Variants in ADGRL2 observed in about 807,000 individuals in gnomAD.
The protein encoded by ADGRL2 is adhesion G protein-coupled receptor L2.
ADGRL2 carries 44 observed loss-of-function variants against 157.4 expected under a neutral mutation model. The ratio of observed to expected loss-of-function variants is 0.28; its 90% confidence interval spans 0.22 to 0.36. ADGRL2 has a LOEUF of 0.36. Among genes scored for constraint, ADGRL2 ranks in the 10% least tolerant of loss-of-function variants. The pLI, the probability that ADGRL2 is intolerant of heterozygous loss-of-function variation, is 1.00. For synonymous variants in ADGRL2, 585 were observed against 624.7 expected, an observed-to-expected ratio of 0.94 and a Z score of 0.95; for missense variants, 1,510 against 1,768.9, an observed-to-expected ratio of 0.85 and a Z score of 2.63.
chr1:81,535,937 G>A (rs2079726141), intron 2 of ADGRL2, among the ~76,000 whole-genome samples: 1 of 152,090 alleles, frequency 6.6e-6, no homozygotes, highest in African/African-American at 2.4e-5. Flanking sequence ...TGTACTTCCA[G>A]ACATAATTTG....
chr1:81,981,994 C>T lies in ADGRL2; in HGVS notation c.3282+18C>T, dbSNP rs767684487. 6.2e-7 allele frequency: 1 copy of T among 1,601,526 alleles called. No individual in the cohort carries two copies. The highest frequency in any genetic ancestry group is 1.1e-5 in the South Asian group (1 of 89,676). On this transcript the variant is annotated intron_variant, in intron 19 of 23. Coordinates refer to ENST00000686636, the MANE Select transcript of ADGRL2 (RefSeq NM_001366006.2). ...AAAAGAAAGTAAGTAATTGAAAACA[C>T]CTAGGGGCTCAGGTTACTCATTCTT...
chr1:81,347,962 G>T (rs141720260), intron 1 of ADGRL2, among the ~76,000 whole-genome samples: 1 of 152,288 alleles, frequency 6.6e-6, no homozygotes, highest in African/African-American at 2.4e-5. Context: ...GAAAAGGGAA[G>T]AATGAAACTG....
chr1:81,610,086 G>A (rs1293112573), intron 3 of ADGRL2, among the ~76,000 whole-genome samples: 1 of 152,118 alleles, frequency 6.6e-6, no homozygotes, highest in African/African-American at 2.4e-5. Context: ...GTGAATTCCT[G>A]ATTAGAATGC....
chr1:81,931,963 G>A (rs1381878595), intron 3 of ADGRL2, among the ~76,000 whole-genome samples: 1 of 152,064 alleles, frequency 6.6e-6, no homozygotes, highest in Admixed American at 6.6e-5. Context: ...GACATTATTC[G>A]CAAGGCCTAC....
At chr1:81,468,272 G>A (rs968839701) in intron 2 of ADGRL2, among the ~76,000 whole-genome samples, 2 of 152,108 alleles carry the variant, frequency 1.3e-5, no homozygotes, top group Non-Finnish European at 2.9e-5. Context: ...TATAAATTAT[G>A]CTAATAGCTC....
chr1:81,632,929 A>G (rs77664412), intron 3 of ADGRL2, among the ~76,000 whole-genome samples: 16,518 of 152,170 alleles, frequency 0.11, 1,003 homozygotes, highest in Middle Eastern at 0.15. Context: ...TTTAAAAAGG[A>G]TTGACTTGGC....
intron 2 of ADGRL2, among the ~76,000 whole-genome samples, chr1:81,553,341 G>A (rs1397490118): frequency 1.3e-5 from 2 of 151,996 alleles, no homozygotes; most frequent in African/African-American, 2.4e-5. Context: ...TTAAGCACCC[G>A]GTTTTTGAAC....
intron 3 of ADGRL2, among the ~76,000 whole-genome samples, chr1:81,682,612 G>A (rs775867258): frequency 2.0e-5 from 3 of 152,178 alleles, no homozygotes; most frequent in Admixed American, 1.3e-4. Flanking sequence ...CAGAGAGGGG[G>A]CAGCTCCATG....
At chr1:81,791,066 C>CAAAAAAAAAAAAAA (rs11411906) in intron 2 of ADGRL2, among the ~76,000 whole-genome samples, 1 of 37,462 alleles carries the variant, frequency 2.7e-5, no homozygotes, top group Non-Finnish European at 4.3e-5. Context: ...GACCCTATCT[C>CAAAAAAAAAAAAAA]AAAAAAAAAA....
rs535477924 is a variant in ADGRL2 at position 81,801,986 on chromosome 1, G to T, written c.-101+918G>T. Among the ~76,000 whole-genome samples, 39 of 150,244 alleles carry T rather than the reference G, an allele frequency of 2.6e-4. 1 individual carries two copies. The South Asian group carries it at 7.8e-3, about 30-fold the overall frequency. ...CGGGAAAATGTTGACTTAACCCCAG[G>T]AGCCGCCCGGCGCTGGCTGCTCGGC... On this transcript the variant is annotated intron_variant, in intron 1 of 23. Coordinates refer to ENST00000686636, the MANE Select transcript of ADGRL2 (RefSeq NM_001366006.2).
intron 1 of ADGRL2, among the ~76,000 whole-genome samples, chr1:81,435,350 C>T (rs762392213): frequency 3.3e-5 from 5 of 152,108 alleles, no homozygotes; most frequent in African/African-American, 4.8e-5. Flanking sequence ...AACATCATGT[C>T]CAAAGAACAA....
At chr1:81,610,857 C>T (rs1202451348) in intron 3 of ADGRL2, among the ~76,000 whole-genome samples, 1 of 152,170 alleles carries the variant, frequency 6.6e-6, no homozygotes, top group Non-Finnish European at 1.5e-5. Flanking sequence ...TTTTGAGTTT[C>T]CGCAGCTAGA....
intron 1 of ADGRL2, among the ~76,000 whole-genome samples, chr1:81,324,368 G>T (rs1464900263): frequency 6.6e-6 from 1 of 151,424 alleles, no homozygotes; most frequent in Non-Finnish European, 1.5e-5. Flanking sequence ...AATCAGCTGG[G>T]CATGGTGGCA....
At chr1:81,806,103 G>A (rs754266803) in intron 1 of ADGRL2, among the ~76,000 whole-genome samples, 18 of 152,052 alleles carry the variant, frequency 1.2e-4, no homozygotes, top group Non-Finnish European at 2.4e-4. Context: ...CTGGGAGCAG[G>A]TAGTTGGGGA....
intron 3 of ADGRL2, among the ~76,000 whole-genome samples, chr1:81,600,012 C>T (rs1482573899): frequency 6.6e-6 from 1 of 152,190 alleles, no homozygotes; most frequent in Non-Finnish European, 1.5e-5. Context: ...ATTGCCTTTA[C>T]AAGAGAAACT....
chr1:81,659,135 C>A lies in ADGRL2; in HGVS notation c.-143+78155C>A, dbSNP rs536679284. Among the ~76,000 whole-genome samples the A allele has an allele frequency of 2.8e-5, 4 of 144,584 alleles. No homozygotes were observed. The South Asian group carries it at 8.8e-4, about 32-fold the overall frequency. The allele number at this position is 144,584 out of a possible 152,430, so 94.9% of individuals were successfully genotyped here. ...GGAGTGCAATGGCACAATTTCAGCTCACTGCAACCTCCCCCTCCTGGGTTC... is the reference window on the plus strand; with the variant it reads ...GGAGTGCAATGGCACAATTTCAGCTAACTGCAACCTCCCCCTCCTGGGTTC... On this transcript the variant is annotated intron_variant, in intron 3 of 24. Coordinates refer to the ADGRL2 transcript ENST00000370721.
intron 1 of ADGRL2, among the ~76,000 whole-genome samples, chr1:81,390,841 T>C (rs1212670846): frequency 6.6e-6 from 1 of 152,308 alleles, no homozygotes; most frequent in Admixed American, 6.5e-5. Flanking sequence ...ACATTCATTA[T>C]GTTTTCATAA....
chr1:81,886,681 A>G (rs1340851216), intron 2 of ADGRL2, among the ~76,000 whole-genome samples: 2 of 152,208 alleles, frequency 1.3e-5, no homozygotes, highest in South Asian at 4.1e-4. Context: ...TTAATTAATA[A>G]TAAAATATGA....
intron 10 of ADGRL2, among the ~76,000 whole-genome samples, chr1:81,955,594 A>G (rs928495231): frequency 2.0e-5 from 3 of 152,186 alleles, no homozygotes; most frequent in Non-Finnish European, 4.4e-5. Flanking sequence ...GTTGTCAACT[A>G]TCAACAATTG....
Sources: gnomAD v4.1 joint callset for allele counts (sites outside exome capture counted in the v4.1 genomes callset) on GRCh38, gnomAD v4.1.1 for gene constraint, MANE v1.5 for transcripts, NCBI Gene and HGNC (gene_info 2026-07-23, HGNC 2026-07-21) for gene names.